The following ROBO2 variants were observed in gnomAD, a reference collection of about 807,000 sequenced individuals.
The protein encoded by ROBO2 is roundabout guidance receptor 2.
Under a neutral mutation model 160.8 loss-of-function variants are expected in ROBO2, and 53 were observed. The observed-to-expected ratio is 0.33, with a 90% CI of 0.26 to 0.41. The LOEUF (loss-of-function observed/expected upper bound fraction) is 0.41, where lower values mean the gene tolerates loss of function less well. Ranked by LOEUF, ROBO2 falls within the 10% of genes least tolerant of loss-of-function variation. ROBO2 has a pLI of 1.00. For missense variants in ROBO2, 1,577 were observed against 1,722.4 expected, an observed-to-expected ratio of 0.92 and a Z score of 1.49; for synonymous variants, 664 against 611.7, an observed-to-expected ratio of 1.09 and a Z score of -1.26.
chr3:76,749,309 A>T (rs1484607783), intron 2 of ROBO2, among the ~76,000 whole-genome samples: 1 of 151,952 alleles, frequency 6.6e-6, no homozygotes, highest in Non-Finnish European at 1.5e-5. Flanking sequence ...ATACAATTGT[A>T]CCTTAAAGTC....
intron 2 of ROBO2, among the ~76,000 whole-genome samples, chr3:76,792,394 C>T (rs1386398057): frequency 1.3e-5 from 2 of 151,572 alleles, no homozygotes; most frequent in Non-Finnish European, 2.9e-5. Flanking sequence ...GGGACCCATC[C>T]CCTGCAGATA....
At chr3:77,014,169 G>A (rs946660384) in intron 2 of ROBO2, among the ~76,000 whole-genome samples, 2 of 151,998 alleles carry the variant, frequency 1.3e-5, no homozygotes, top group Admixed American at 6.6e-5. Context: ...ATTTTAGAGC[G>A]TATAAACATA....
rs577704743 is a variant in ROBO2 at position 76,525,946 on chromosome 3, C to A, written c.110-572068C>A. 2.0e-5 allele frequency among the ~76,000 whole-genome samples: 3 copies of A among 152,060 alleles called. No individual in the cohort carries two copies. The South Asian group carries it at 6.2e-4, about 32-fold the overall frequency. On this transcript the variant is annotated intron_variant, in intron 2 of 26. Transcript: ENST00000487694. Reference sequence around the variant, plus strand: ...ACAGACAGTGCCATTAGTTATGGCACCCTTGGGCTGAAAGGGCTGTCTCAA... The same window carrying A: ...ACAGACAGTGCCATTAGTTATGGCAACCTTGGGCTGAAAGGGCTGTCTCAA...
intron 2 of ROBO2, among the ~76,000 whole-genome samples, chr3:76,726,456 A>G (rs1472453404): frequency 2.6e-5 from 4 of 152,114 alleles, no homozygotes; most frequent in Non-Finnish European, 5.9e-5. Flanking sequence ...GTGATCCTCT[A>G]TGAAGTTTTC....
intron 1 of ROBO2, among the ~76,000 whole-genome samples, chr3:75,930,373 G>A (rs563918847): frequency 6.6e-6 from 1 of 152,064 alleles, no homozygotes; most frequent in South Asian, 2.1e-4. Flanking sequence ...CAGTTTCCAC[G>A]TTTTCCTCCT....
intron 2 of ROBO2, among the ~76,000 whole-genome samples, chr3:76,648,075 A>T (rs780205547): frequency 2.8e-4 from 42 of 152,012 alleles, no homozygotes; most frequent in African/African-American, 4.6e-4. Context: ...TCTTTTTTTT[A>T]AAATTCTCAT....
chr3:77,119,614 C>A (rs72887986), intron 2 of ROBO2, among the ~76,000 whole-genome samples: 1 of 152,072 alleles, frequency 6.6e-6, no homozygotes, highest in East Asian at 1.9e-4. Context: ...CACATAGAAA[C>A]GGATCTTATC....
rs73840918 is a variant in ROBO2, at chr3:76,371,912, T to G, written c.109+434310T>G. Among the ~76,000 whole-genome samples the G allele has an allele frequency of 3.2e-3, 483 of 151,974 alleles. 1 individual carries two copies. The highest frequency in any genetic ancestry group is 0.011 in the African/African-American group (461 of 41,502). Reference sequence around the variant, plus strand: ...AGAATAAAGCAATAAAAATATAAACTATATCTAATGGAATGTCTTTTATAA... The same window carrying G: ...AGAATAAAGCAATAAAAATATAAACGATATCTAATGGAATGTCTTTTATAA... On this transcript the variant is annotated intron_variant, in intron 2 of 26. Coordinates refer to the ROBO2 transcript ENST00000487694.
At chr3:76,915,833 G>T (rs931766501) in intron 2 of ROBO2, among the ~76,000 whole-genome samples, 18 of 152,158 alleles carry the variant, frequency 1.2e-4, no homozygotes, top group African/African-American at 4.1e-4. Flanking sequence ...AACAGCAAAT[G>T]TTTATTACTC....
rs17839766 is a variant in ROBO2, at chr3:76,701,192, C to A, written c.110-396822C>A. ...TTAATTTGCTGATGCTTGCAAAGTT[C>A]TTTAGGTTTGAGATATTTGTTGAAT... On this transcript the variant is annotated intron_variant, in intron 2 of 26. Coordinates refer to the ROBO2 transcript ENST00000487694. Among the ~76,000 whole-genome samples, 245 of 152,138 alleles carry A rather than the reference C, an allele frequency of 1.6e-3. 10 individuals are homozygous for A. The South Asian group carries it at 0.034, about 21-fold the overall frequency.
intron 2 of ROBO2, among the ~76,000 whole-genome samples, chr3:77,367,523 A>G (rs2071084263): frequency 6.6e-6 from 1 of 152,168 alleles, no homozygotes; most frequent in Non-Finnish European, 1.5e-5. Context: ...GACAGGTAAT[A>G]AAAAGAAGAC....
chr3:77,062,744 T>G (rs531701459), intron 1 of ROBO2, among the ~76,000 whole-genome samples: 3 of 152,312 alleles, frequency 2.0e-5, no homozygotes, highest in Non-Finnish European at 2.9e-5. Flanking sequence ...GAGGGGGAAC[T>G]TCTATAAAGT....
In ROBO2 at chr3:76,754,691, A is replaced by G. The variant is rs183283178; in HGVS notation, c.110-343323A>G. On this transcript the variant is annotated intron_variant, in intron 2 of 26. Coordinates refer to the ROBO2 transcript ENST00000487694. The stretch of plus-strand genomic sequence containing the variant: ...TTTGGACAAGACATCCCTATCAATA[A>G]CTCATGCATAGACGCCTCAAGGTTA... Among the ~76,000 whole-genome samples, 433 of 151,844 alleles carry G rather than the reference A, an allele frequency of 2.9e-3. 2 individuals are homozygous for G. Among genetic ancestry groups the G allele is most frequent in the Non-Finnish European group, 5.1e-3 (346 of 67,874 alleles).
intron 2 of ROBO2, among the ~76,000 whole-genome samples, chr3:77,208,995 A>T (rs1326132157): frequency 6.6e-6 from 1 of 152,204 alleles, no homozygotes; most frequent in African/African-American, 2.4e-5. Flanking sequence ...ATTACAAAAA[A>T]TTCTGCTTCA....
intron 2 of ROBO2, among the ~76,000 whole-genome samples, chr3:76,611,535 A>C (rs1013179293): frequency 1.3e-5 from 2 of 152,072 alleles, no homozygotes; most frequent in African/African-American, 4.8e-5. Flanking sequence ...AATTTCTTCT[A>C]GGTTTTCCGA....
At chr3:77,207,639 A>G (rs1475664723) in intron 2 of ROBO2, among the ~76,000 whole-genome samples, 1 of 152,216 alleles carries the variant, frequency 6.6e-6, no homozygotes, top group Admixed American at 6.5e-5. Flanking sequence ...ACAAAATCCA[A>G]AAGTATTTTC....
At chr3:77,047,919 C>T (rs956328770) in intron 1 of ROBO2, among the ~76,000 whole-genome samples, 4 of 150,246 alleles carry the variant, frequency 2.7e-5, no homozygotes, top group South Asian at 2.1e-4. Context: ...TGGTGGCGGG[C>T]GCCTGTAGTC....
At chr3:76,076,454 A>T (rs1051581262) in intron 2 of ROBO2, among the ~76,000 whole-genome samples, 2 of 152,180 alleles carry the variant, frequency 1.3e-5, no homozygotes, top group Non-Finnish European at 2.9e-5. Flanking sequence ...ATCATAAAGA[A>T]TCCTATGGAC....
At chr3:77,491,970 T>C (rs2086179149) in intron 4 of ROBO2, among the ~76,000 whole-genome samples, 1 of 152,208 alleles carries the variant, frequency 6.6e-6, no homozygotes, top group East Asian at 1.9e-4. Flanking sequence ...ATTTAGTCAA[T>C]AAAATCAAAT....
Sources: allele counts gnomAD v4.1 joint callset (sites outside exome capture counted in the v4.1 genomes callset), GRCh38; gene constraint gnomAD v4.1.1; transcripts MANE v1.5; gene names NCBI Gene and HGNC (gene_info 2026-07-23, HGNC 2026-07-21).